Variants in RALGAPB observed in about 807,000 individuals in gnomAD.
RALGAPB encodes the protein ral GTPase-activating protein subunit beta.
In RALGAPB, 25 loss-of-function variants were observed where a neutral mutation model predicts 161.1. The ratio of observed to expected loss-of-function variants is 0.16; its 90% confidence interval spans 0.11 to 0.22. The LOEUF is 0.22. Ranked by LOEUF, RALGAPB falls within the 10% of genes least tolerant of loss-of-function variation. The pLI is 1.00. For synonymous variants in RALGAPB, 629 were observed against 626.1 expected (o/e 1.00, Z -0.07); for missense variants, 1,391 against 1,815.2 (o/e 0.77, Z 4.25).
At chr20:38,566,533 C>T (rs2088005904) in intron 25 of RALGAPB, among the ~76,000 whole-genome samples, 1 of 152,156 alleles carries the variant, frequency 6.6e-6, no homozygotes. Flanking sequence ...TGTGCCCACT[C>T]CAACTCAGCT....
chr20:38,550,149 T>C (rs746044948), intron 20 of RALGAPB, among the ~76,000 whole-genome samples: 3 of 151,950 alleles, frequency 2.0e-5, no homozygotes, highest in Non-Finnish European at 4.4e-5. Context: ...TGTTGTCGGG[T>C]AGGGGGAGTG....
At chr20:38,527,782 A>G (rs2086517483) in intron 13 of RALGAPB, among the ~76,000 whole-genome samples, 1 of 152,212 alleles carries the variant, frequency 6.6e-6, no homozygotes, top group African/African-American at 2.4e-5. Flanking sequence ...TTGAAGCAGT[A>G]TTTGGTTTTG....
At chr20:38,481,581 C>T (rs2084973812) in intron 1 of RALGAPB, among the ~76,000 whole-genome samples, 1 of 152,184 alleles carries the variant, frequency 6.6e-6, no homozygotes, top group Non-Finnish European at 1.5e-5. Context: ...AATTCAGTCA[C>T]CTCCCACAGG....
chr20:38,515,146 T>C (rs1432137606), intron 6 of RALGAPB, among the ~76,000 whole-genome samples: 1 of 152,240 alleles, frequency 6.6e-6, no homozygotes, highest in East Asian at 1.9e-4. Flanking sequence ...GCACTGCTGC[T>C]GGAGACGAAT....
Position 38,535,186 on chromosome 20 carries a change from G to A in RALGAPB, c.2358G>A (p.Glu786=), listed in dbSNP as rs923172898. The change falls in exon 16 of 30, where the codon GAG becomes GAA. Residue 786 remains glutamate, a synonymous_variant. Coordinates refer to ENST00000262879, the MANE Select transcript of RALGAPB (RefSeq NM_020336.4). ...QDMSISLAAL[E]LLSGLAKVKV... Reference sequence around the variant, plus strand: ...TGAGCATATCACTGGCAGCTCTAGAGCTCCTCTCTGGCCTTGCAAAGGTGA... The same window carrying A: ...TGAGCATATCACTGGCAGCTCTAGAACTCCTCTCTGGCCTTGCAAAGGTGA... 1.2e-6 allele frequency: 2 copies of A among 1,614,100 alleles called. No homozygotes were observed. Among genetic ancestry groups the A allele is most frequent in the African/African-American group, 2.7e-5 (2 of 74,928 alleles).
At chr20:38,502,889 A>G (rs2085637777) in intron 5 of RALGAPB, among the ~76,000 whole-genome samples, 1 of 152,194 alleles carries the variant, frequency 6.6e-6, no homozygotes, top group Admixed American at 6.5e-5. Flanking sequence ...TACAGGCATG[A>G]GCCACTGCGC....
At chr20:38,474,381 C>T (rs1339631585) in intron 1 of RALGAPB, among the ~76,000 whole-genome samples, 2 of 152,136 alleles carry the variant, frequency 1.3e-5, no homozygotes, top group African/African-American at 4.8e-5. Context: ...CTTCCGCCTC[C>T]TGAGCTCAAG....
intron 5 of RALGAPB, among the ~76,000 whole-genome samples, chr20:38,500,322 A>G (rs2085547807): frequency 6.6e-6 from 1 of 151,798 alleles, no homozygotes; most frequent in African/African-American, 2.4e-5. Flanking sequence ...CCAACAGCAT[A>G]TGCTCACTTT....
chr20:38,504,787 A>G (rs1401010499), intron 5 of RALGAPB, among the ~76,000 whole-genome samples: 1 of 152,238 alleles, frequency 6.6e-6, no homozygotes, highest in Non-Finnish European at 1.5e-5. Flanking sequence ...ACACTTATCA[A>G]AAGAAGACAT....
At chr20:38,543,428 G>T (rs2087043305) in intron 18 of RALGAPB, among the ~76,000 whole-genome samples, 1 of 151,988 alleles carries the variant, frequency 6.6e-6, no homozygotes, top group Non-Finnish European at 1.5e-5. Flanking sequence ...CTCACTTCTT[G>T]CCCAATTGCC....
At chr20:38,479,781 A>G (rs552064904) in intron 1 of RALGAPB, among the ~76,000 whole-genome samples, 20 of 152,268 alleles carry the variant, frequency 1.3e-4, no homozygotes, top group African/African-American at 4.6e-4. Context: ...CTAACTTGAC[A>G]GTTATATCAT....
intron 28 of RALGAPB, among the ~76,000 whole-genome samples, 172 bp downstream of exon 28, chr20:38,571,019 G>A (rs2088216234): frequency 6.6e-6 from 1 of 152,116 alleles, no homozygotes; most frequent in South Asian, 2.1e-4. Context: ...AATTATTATA[G>A]CATGGATTTT....
intron 6 of RALGAPB, among the ~76,000 whole-genome samples, chr20:38,514,649 G>T (rs1046190040): frequency 2.6e-5 from 4 of 152,160 alleles, no homozygotes; most frequent in African/African-American, 9.7e-5. Context: ...ATTTTGTCTT[G>T]TGTGTTAGTG....
At chr20:38,529,084 G>T (rs2086566802) in intron 13 of RALGAPB, among the ~76,000 whole-genome samples, 2 of 152,138 alleles carry the variant, frequency 1.3e-5, no homozygotes, top group South Asian at 4.1e-4. Flanking sequence ...AATTCCCTGA[G>T]TAGTTGAGAT....
At chr20:38,494,251 A>G (rs927255086) in intron 3 of RALGAPB, among the ~76,000 whole-genome samples, 1 of 152,220 alleles carries the variant, frequency 6.6e-6, no homozygotes, top group African/African-American at 2.4e-5. Flanking sequence ...TATCTGGTGC[A>G]ATACTGGTAT....
chr20:38,490,240 G>T (rs1371932919), intron 2 of RALGAPB, among the ~76,000 whole-genome samples: 2 of 151,812 alleles, frequency 1.3e-5, no homozygotes, highest in Admixed American at 1.3e-4. Flanking sequence ...ACGGAGTCTC[G>T]CTCTGTTGCC....
In RALGAPB at chr20:38,472,866, C is replaced by T. The variant is rs1246183746; in HGVS notation, c.-234C>T. ...GCAGTCGGAAGTTGCCTGAGCAGATCCCAGCCGGCTGGCTCGAGTGGCCTT... is the reference window on the plus strand; with the variant it reads ...GCAGTCGGAAGTTGCCTGAGCAGATTCCAGCCGGCTGGCTCGAGTGGCCTT... On this transcript the variant is annotated 5_prime_UTR_variant, in exon 1 of 30. Transcript: ENST00000262879. The T allele has an allele frequency of 1.0e-5, 4 of 398,876 alleles. No homozygotes were observed. The highest frequency in any genetic ancestry group is 8.8e-5 in the Admixed American group (2 of 22,722). 24.7% of individuals were successfully genotyped at this position (398,876 alleles called of 1,614,324 possible). A position where few individuals can be genotyped will look rare whatever the true frequency, so the allele number is the denominator to read the frequency against.
intron 2 of RALGAPB, among the ~76,000 whole-genome samples, chr20:38,491,883 G>A (rs924048737): frequency 1.8e-4 from 28 of 152,112 alleles, no homozygotes; most frequent in African/African-American, 6.8e-4. Context: ...GAGCAGGCTG[G>A]GTCTTGGTGA....
chr20:38,478,395 A>G (rs6070321), intron 1 of RALGAPB, among the ~76,000 whole-genome samples: 5 of 152,172 alleles, frequency 3.3e-5, no homozygotes, highest in African/African-American at 1.2e-4. Context: ...ATGCAAAGGT[A>G]CAATGTGCTC....
Sources: gnomAD v4.1 joint callset for allele counts (sites outside exome capture counted in the v4.1 genomes callset) on GRCh38, gnomAD v4.1.1 for gene constraint, MANE v1.5 for transcripts, NCBI Gene and HGNC (gene_info 2026-07-23, HGNC 2026-07-21) for gene names.